Variants in MTRES1 observed in about 807,000 individuals in gnomAD.
MTRES1 encodes the protein uncharacterized protein C6orf203.
MTRES1 carries 11 observed loss-of-function variants against 17.4 expected under a neutral mutation model. That is an observed-to-expected ratio of 0.63 (90% confidence interval 0.40 to 1.05). The LOEUF (loss-of-function observed/expected upper bound fraction) is 1.05, where lower values mean the gene tolerates loss of function less well. MTRES1 is among the 50% of genes least tolerant of loss of function. The pLI, the probability that MTRES1 is intolerant of heterozygous loss-of-function variation, is 0.00. For synonymous variants in MTRES1, 94 were observed against 99.6 expected (o/e 0.94, Z 0.34); for missense variants, 268 against 276.2 (o/e 0.97, Z 0.21).
At chr6:107,030,117 T>C in intron 1 of MTRES1, 2 of 718,528 alleles carry the variant, frequency 2.8e-6, no homozygotes, top group Non-Finnish European at 5.2e-6. Context: ...GGTAAGTGCT[T>C]AATTAAGGGG....
intron 3 of MTRES1, 82 bp downstream of exon 3, chr6:107,044,414 T>C (rs1384187180): frequency 3.8e-6 from 4 of 1,061,968 alleles, no homozygotes; most frequent in Non-Finnish European, 5.8e-6. Context: ...TCCCAAATTT[T>C]CCCTCTGGCT....
At chr6:107,029,710 C>T (rs1199620728) in intron 1 of MTRES1, among the ~76,000 whole-genome samples, 2 of 150,048 alleles carry the variant, frequency 1.3e-5, no homozygotes, top group African/African-American at 4.9e-5. Flanking sequence ...TCTTGAACTC[C>T]TGGCCTCAAG....
At chr6:107,031,238 G>A (rs1773825809) in intron 1 of MTRES1, among the ~76,000 whole-genome samples, 1 of 151,780 alleles carries the variant, frequency 6.6e-6, no homozygotes, top group Non-Finnish European at 1.5e-5. Context: ...AAAGTGGCCG[G>A]GTGTGGTGGT....
At chr6:107,045,583 A>G (rs1774365349) in intron 3 of MTRES1, among the ~76,000 whole-genome samples, 1 of 152,080 alleles carries the variant, frequency 6.6e-6, no homozygotes, top group Non-Finnish European at 1.5e-5. Context: ...ACTAGCATTT[A>G]TCTTTAATTG....
chr6:107,031,925 A>G (rs1323796673), intron 1 of MTRES1, among the ~76,000 whole-genome samples: 1 of 152,172 alleles, frequency 6.6e-6, no homozygotes, highest in Non-Finnish European at 1.5e-5. Context: ...GAGAAGCAGC[A>G]GCCACAGGAG....
chr6:107,043,406 G>T (rs1774286381), intron 2 of MTRES1, among the ~76,000 whole-genome samples: 1 of 151,988 alleles, frequency 6.6e-6, no homozygotes, highest in South Asian at 2.1e-4. Flanking sequence ...CAGTGTGGGG[G>T]TTAGGGGTGC....
At chr6:107,028,676 G>A (rs1416530863) in intron 1 of MTRES1, 1 of 152,830 alleles carries the variant, frequency 6.5e-6, no homozygotes, top group African/African-American at 2.4e-5. Context: ...AAAGCGTTTA[G>A]ACCAGTTTCT....
At chr6:107,039,401 C>T (rs889907661) in intron 1 of MTRES1, among the ~76,000 whole-genome samples, 2 of 151,958 alleles carry the variant, frequency 1.3e-5, no homozygotes, top group African/African-American at 2.4e-5. Flanking sequence ...CTCACTGCAA[C>T]CTCTGCCTCC....
At chr6:107,042,196 C>T (rs1013873709) in intron 2 of MTRES1, among the ~76,000 whole-genome samples, 3 of 151,686 alleles carry the variant, frequency 2.0e-5, no homozygotes, top group African/African-American at 4.8e-5. Context: ...AAAAATTGGC[C>T]GGGCGTGGTG....
Position 107,040,136 on chromosome 6 carries a change from C to T in MTRES1, c.376C>T (p.Pro126Ser). The change falls in exon 2 of 4, where the codon CCT becomes TCT. Residue 126 changes from proline to serine, a missense_variant. Transcript: ENST00000311381. ...SEQEEELEDD[P>S]TVVKNYKDLE... ...GCAGGAAGAGGAGCTTGAGGATGAT[C>T]CTACTGTAGTCAAAAACTATAAAGA... The T allele has an allele frequency of 6.2e-7, 1 of 1,613,652 alleles. No individual in the cohort carries two copies. Among genetic ancestry groups the T allele is most frequent in the African/African-American group, 1.3e-5 (1 of 75,026 alleles).
chr6:107,047,472 G>A (rs1458420621), intron 3 of MTRES1, among the ~76,000 whole-genome samples: 3 of 151,952 alleles, frequency 2.0e-5, no homozygotes, highest in Non-Finnish European at 4.4e-5. Context: ...TACCCACCTT[G>A]GCCTCCCAAA....
At chr6:107,029,735 C>A (rs1773770561) in intron 1 of MTRES1, among the ~76,000 whole-genome samples, 3 of 150,678 alleles carry the variant, frequency 2.0e-5, no homozygotes, top group African/African-American at 7.3e-5. Context: ...CCGCCCGCCT[C>A]AGCCTCCCCA....
Position 107,037,409 on chromosome 6 carries a change from C to T in MTRES1, c.-12-2340C>T, listed in dbSNP as rs1554227063. On this transcript the variant is annotated intron_variant, in intron 1 of 3. Transcript: ENST00000311381. ...TACTAAAAGTAGAGATGGGGTTTCACCACGTTGGCCAGGCTGGTCTTGAAC... is the reference window on the plus strand; with the variant it reads ...TACTAAAAGTAGAGATGGGGTTTCATCACGTTGGCCAGGCTGGTCTTGAAC... Among the ~76,000 whole-genome samples, 4 of 151,590 alleles carry T rather than the reference C, an allele frequency of 2.6e-5. 1 individual carries two copies. Among genetic ancestry groups the T allele is most frequent in the Admixed American group, 2.6e-4 (4 of 15,222 alleles).
chr6:107,028,976 G>T lies in MTRES1; in HGVS notation c.-13+705G>T, dbSNP rs777443508. ...TGTTCTTTTCCTGATTCATTCGAATGCACCCGTCCTCCTGATCAATTTTTA... is the reference window on the plus strand; with the variant it reads ...TGTTCTTTTCCTGATTCATTCGAATTCACCCGTCCTCCTGATCAATTTTTA... On this transcript the variant is annotated intron_variant, in intron 1 of 3. Transcript: ENST00000311381. 8 of 539,626 alleles carry T rather than the reference G, an allele frequency of 1.5e-5. 1 individual carries two copies. Among genetic ancestry groups the T allele is most frequent in the Non-Finnish European group, 1.9e-5 (8 of 422,426 alleles). The allele number at this position is 539,626 out of a possible 1,614,324, so 33.4% of individuals were successfully genotyped here.
At chr6:107,050,908 G>A (rs1774581061) in intron 3 of MTRES1, 149 bp from the exon 4 acceptor site, 3 of 659,494 alleles carry the variant, frequency 4.5e-6, no homozygotes, top group Admixed American at 2.6e-5. Context: ...GAGGCACTGG[G>A]ATAGGTGACA....
intron 1 of MTRES1, among the ~76,000 whole-genome samples, chr6:107,039,322 G>T (rs75987193): frequency 0.019 from 2,821 of 151,430 alleles, 80 homozygotes; most frequent in African/African-American, 0.064. Context: ...TTGTTTTTTG[G>T]TTTTTTTTAA....
chr6:107,042,172 C>T (rs1774240170), intron 2 of MTRES1, among the ~76,000 whole-genome samples: 1 of 151,574 alleles, frequency 6.6e-6, no homozygotes. Context: ...AACCCTGTCT[C>T]TACTAAAAAT....
At position 107,039,827 on chromosome 6, in the gene MTRES1, T is replaced by G. The variant is rs145762486; in HGVS notation, c.67T>G (p.Trp23Gly). ...AAAGCCAGATGCCTGGATTGGACTC[T>G]GGGGTGTTCTCCGAGGGACACCTTC... ...LRKPDAWIGL[W>G]GVLRGTPSSY... Residue 23 changes from tryptophan (W) to glycine (G), a missense_variant, in exon 2 of 4, where the codon TGG (tryptophan) becomes GGG (glycine). Transcript: ENST00000311381. 12 of 1,613,972 alleles carry G rather than the reference T, an allele frequency of 7.4e-6. No individual in the cohort carries two copies. The highest frequency in any genetic ancestry group is 1.3e-5 in the African/African-American group (1 of 74,928).
chr6:107,041,157 G>A (rs980108412), intron 2 of MTRES1, among the ~76,000 whole-genome samples: 2 of 150,104 alleles, frequency 1.3e-5, no homozygotes, highest in Admixed American at 6.6e-5. Flanking sequence ...CCCGGGAGGC[G>A]GAGCTTGCAG....
Sources: gnomAD v4.1 joint callset for allele counts (sites outside exome capture counted in the v4.1 genomes callset) on GRCh38, gnomAD v4.1.1 for gene constraint, MANE v1.5 for transcripts, NCBI Gene and HGNC (gene_info 2026-07-23, HGNC 2026-07-21) for gene names.